The following ROBO1 variants were observed in gnomAD, a reference collection of about 807,000 sequenced individuals.
The protein encoded by ROBO1 is roundabout homolog 1.
ROBO1 carries 149 observed loss-of-function variants against 195.9 expected under a neutral mutation model. The ratio of observed to expected loss-of-function variants is 0.76; its 90% CI spans 0.67 to 0.87. ROBO1 has a LOEUF of 0.87. Ranked by LOEUF, ROBO1 falls within the 40% of genes least tolerant of loss-of-function variation. The pLI is 0.00. For missense variants in ROBO1, 1,933 were observed against 2,068.3 expected (o/e 0.93, Z 1.27); for synonymous variants, 816 against 733.2 (o/e 1.11, Z -1.82).
At chr3:78,799,341 T>C (rs1373556523) in intron 4 of ROBO1, among the ~76,000 whole-genome samples, 3 of 151,764 alleles carry the variant, frequency 2.0e-5, no homozygotes, top group South Asian at 4.2e-4. Context: ...TTTTGTTTTT[T>C]TGTTTTTTGT....
chr3:79,005,474 T>G (rs1025737117), intron 3 of ROBO1, among the ~76,000 whole-genome samples: 1 of 152,164 alleles, frequency 6.6e-6, no homozygotes, highest in Non-Finnish European at 1.5e-5. Context: ...AACTAAAAAT[T>G]TCTACGTTTA....
intron 2 of ROBO1, among the ~76,000 whole-genome samples, chr3:79,568,938 A>C (rs2107738293): frequency 6.6e-6 from 1 of 152,322 alleles, no homozygotes; most frequent in East Asian, 1.9e-4. Context: ...TATTTTATGT[A>C]ACATATTTAA....
intron 4 of ROBO1, among the ~76,000 whole-genome samples, chr3:78,910,597 T>A (rs139616182): frequency 6.6e-6 from 1 of 151,976 alleles, no homozygotes; most frequent in East Asian, 1.9e-4. Context: ...TAAAGAGGAT[T>A]AGGATGGAGA....
intron 4 of ROBO1, among the ~76,000 whole-genome samples, chr3:78,874,585 A>C (rs915868300): frequency 1.3e-5 from 2 of 151,892 alleles, no homozygotes; most frequent in African/African-American, 4.8e-5. Context: ...TTTATGTCAT[A>C]CACTTTCAAG....
Position 78,902,577 on chromosome 3 carries a change from A to C in ROBO1, c.499+36024T>G, listed in dbSNP as rs182188751. Among the ~76,000 whole-genome samples, 943 of 152,244 alleles carry C rather than the reference A, an allele frequency of 6.2e-3. 8 individuals are homozygous for C. Among genetic ancestry groups the C allele is most frequent in the African/African-American group, 0.022 (898 of 41,560 alleles). ...TTTATATAAAAAATAGGCTGGGTGC[A>C]GTGGCTCATGCCTGTAATCCCAGCA... is the stretch of plus-strand genomic sequence containing the variant. On this transcript the variant is annotated intron_variant, in intron 4 of 30. Coordinates refer to ENST00000464233, the MANE Select transcript of ROBO1 (RefSeq NM_002941.4).
At chr3:79,496,378 C>A (rs1307917951) in intron 2 of ROBO1, among the ~76,000 whole-genome samples, 1 of 119,004 alleles carries the variant, frequency 8.4e-6, no homozygotes, top group Non-Finnish European at 1.7e-5. Flanking sequence ...TATAATGCTG[C>A]GCACCCATCT....
chr3:79,744,369 C>T (rs185300724), intron 1 of ROBO1, among the ~76,000 whole-genome samples: 1 of 152,056 alleles, frequency 6.6e-6, no homozygotes, highest in African/African-American at 2.4e-5. Flanking sequence ...AAGAAATAAA[C>T]CCTATTGCAA....
intron 2 of ROBO1, among the ~76,000 whole-genome samples, chr3:79,209,036 G>C (rs1167180035): frequency 2.0e-5 from 3 of 151,948 alleles, no homozygotes; most frequent in Non-Finnish European, 4.4e-5. Context: ...GTTTTGGGGG[G>C]AACAGGTGGT....
At chr3:79,370,391 CT>C (rs1160139760) in intron 2 of ROBO1, among the ~76,000 whole-genome samples, 1 of 151,832 alleles carries the variant, frequency 6.6e-6, no homozygotes, top group Non-Finnish European at 1.5e-5. Flanking sequence ...ACACAACTAA[CT>C]TTTTCATGTT....
At chr3:79,319,437 AC>A (rs1435400526) in intron 2 of ROBO1, among the ~76,000 whole-genome samples, 8 of 152,226 alleles carry the variant, frequency 5.3e-5, no homozygotes, top group Non-Finnish European at 1.0e-4. Flanking sequence ...TCAATTGGAA[AC>A]ACTGGCTTAA....
intron 3 of ROBO1, among the ~76,000 whole-genome samples, 181 bp from the exon 4 acceptor site, chr3:78,939,108 C>G (rs1050681482): frequency 2.6e-5 from 4 of 152,158 alleles, no homozygotes; most frequent in African/African-American, 7.2e-5. Flanking sequence ...ATTCTTGAAT[C>G]CTTTTGAGTC....
intron 2 of ROBO1, among the ~76,000 whole-genome samples, chr3:79,328,793 A>AC (rs957028769): frequency 6.7e-5 from 10 of 149,728 alleles, no homozygotes; most frequent in Non-Finnish European, 1.0e-4. Flanking sequence ...TTCCCCCGTC[A>AC]CCCCCCTCCC....
Position 78,685,797 on chromosome 3 carries a change from A to G in ROBO1, c.1291T>C (p.Leu431=). 1 of 1,612,354 alleles carries G rather than the reference A, an allele frequency of 6.2e-7. No homozygotes were observed. Among genetic ancestry groups the G allele is most frequent in the Non-Finnish European group, 8.5e-7 (1 of 1,178,768 alleles). Residue 431 remains leucine, a synonymous_variant, in exon 10 of 31, where the codon TTA becomes CTA. Transcript: ENST00000464233. ...SDVGYYICQT[L]NVAGSIITKA... ...GTGATGATGCTTCCAGCAACATTTA[A>G]AGTCTGGCAGATGTAATAACCAACA...
chr3:78,619,664 T>C (rs777440377), intron 26 of ROBO1, among the ~76,000 whole-genome samples: 6 of 151,940 alleles, frequency 3.9e-5, no homozygotes, highest in South Asian at 2.1e-4. Flanking sequence ...CATGCCACCA[T>C]TGCCACAGAA....
chr3:79,748,078 A>G (rs1030305723), intron 1 of ROBO1, among the ~76,000 whole-genome samples: 1 of 152,146 alleles, frequency 6.6e-6, no homozygotes, highest in African/African-American at 2.4e-5. Context: ...GTTAGATTAA[A>G]GTATATTGGT....
intron 2 of ROBO1, among the ~76,000 whole-genome samples, chr3:79,230,328 C>G (rs1167821328): frequency 2.6e-5 from 4 of 152,076 alleles, no homozygotes; most frequent in Non-Finnish European, 5.9e-5. Flanking sequence ...TTTAAACTAT[C>G]AGGCTTCCTT....
At chr3:79,129,686 A>G (rs533543438) in intron 2 of ROBO1, among the ~76,000 whole-genome samples, 1 of 152,308 alleles carries the variant, frequency 6.6e-6, no homozygotes, top group South Asian at 2.1e-4. Context: ...GTATGCATAC[A>G]TTGTAGAATG....
intron 10 of ROBO1, 27 bp from the exon 11 acceptor site, chr3:78,670,328 A>G (rs757587790): frequency 2.9e-5 from 45 of 1,544,300 alleles, no homozygotes; most frequent in Non-Finnish European, 3.5e-5. Flanking sequence ...CAGGAAATAG[A>G]TTTCTGCAAC....
chr3:79,228,228 AAG>A (rs1177293713), intron 2 of ROBO1, among the ~76,000 whole-genome samples: 1 of 152,168 alleles, frequency 6.6e-6, no homozygotes, highest in Non-Finnish European at 1.5e-5. Flanking sequence ...GGATATAGAA[AAG>A]AGAGAGATAT....
Sources: allele counts gnomAD v4.1 joint callset (sites outside exome capture counted in the v4.1 genomes callset), GRCh38; gene constraint gnomAD v4.1.1; transcripts MANE v1.5; gene names NCBI Gene and HGNC (gene_info 2026-07-23, HGNC 2026-07-21).